MCUB: variants seen among roughly 807,000 people sequenced by gnomAD.
MCUB encodes calcium uniporter regulatory subunit MCUb, mitochondrial.
A neutral mutation model predicts 41.4 loss-of-function variants in MCUB; 46 were observed. The ratio of observed to expected loss-of-function variants is 1.11; its 90% CI spans 0.88 to 1.42. MCUB has a LOEUF of 1.42. Ranked by LOEUF, MCUB falls within the 40% of genes most tolerant of loss-of-function variation. MCUB has a pLI of 0.00. For missense variants in MCUB, 403 were observed against 404.9 expected (o/e 1.00, Z 0.04); for synonymous variants, 148 against 148.2 (o/e 1.00, Z 0.01).
intron 1 of MCUB, among the ~76,000 whole-genome samples, chr4:109,619,022 A>ACCTACCTGCCTGCCTGCCTG (rs1554017842): frequency 7.4e-6 from 1 of 134,354 alleles, no homozygotes; most frequent in East Asian, 2.2e-4. Context: ...CTACCTATCT[A>ACCTACCTGCCTGCCTGCCTG]CCTGCCTGCC....
intron 1 of MCUB, 140 bp from the exon 2 acceptor site, chr4:109,658,871 C>A (rs1450110253): frequency 2.0e-5 from 13 of 644,460 alleles, no homozygotes; most frequent in Non-Finnish European, 3.3e-5. Context: ...CAAGGGCTCA[C>A]CCTGGGATGC....
intron 1 of MCUB, among the ~76,000 whole-genome samples, chr4:109,582,189 A>G (rs565840405): frequency 1.3e-5 from 2 of 152,046 alleles, no homozygotes; most frequent in South Asian, 4.2e-4. Flanking sequence ...ATGGAATACT[A>G]TGCAGCCATA....
At chr4:109,621,767 ATAAGT>A (rs777644340) in intron 1 of MCUB, among the ~76,000 whole-genome samples, 15 of 152,256 alleles carry the variant, frequency 9.9e-5, no homozygotes, top group Non-Finnish European at 1.8e-4. Context: ...TAATGTCACT[ATAAGT>A]TATTACCAAG....
chr4:109,581,943 A>T (rs1727187203), intron 1 of MCUB, among the ~76,000 whole-genome samples: 1 of 152,252 alleles, frequency 6.6e-6, no homozygotes, highest in African/African-American at 2.4e-5. Flanking sequence ...ACTGTAAACT[A>T]GTTCAACCAT....
At chr4:109,600,822 G>C (rs1727713768) in intron 1 of MCUB, among the ~76,000 whole-genome samples, 1 of 151,902 alleles carries the variant, frequency 6.6e-6, no homozygotes, top group Non-Finnish European at 1.5e-5. Context: ...CTGAGACTAA[G>C]TCTCGTCCTG....
At chr4:109,642,522 TC>T (rs1728742414) in intron 1 of MCUB, among the ~76,000 whole-genome samples, 2 of 152,122 alleles carry the variant, frequency 1.3e-5, no homozygotes. Flanking sequence ...TACTAAGAAA[TC>T]TTAAACTGCT....
chr4:109,560,961 A>AG (rs1297976763), intron 1 of MCUB: 2 of 152,312 alleles, frequency 1.3e-5, no homozygotes, highest in Non-Finnish European at 2.9e-5. Context: ...CCCAGAAGGA[A>AG]GAAAAACTCG....
chr4:109,577,036 G>C (rs1221049449), intron 1 of MCUB, among the ~76,000 whole-genome samples: 2 of 152,122 alleles, frequency 1.3e-5, no homozygotes, highest in East Asian at 3.9e-4. Context: ...ATTTTTAGTA[G>C]AGCCAGGGTT....
intron 1 of MCUB, among the ~76,000 whole-genome samples, chr4:109,570,703 G>A (rs1726893838): frequency 6.6e-6 from 1 of 152,206 alleles, no homozygotes; most frequent in African/African-American, 2.4e-5. Context: ...CAGATGTTAT[G>A]CTAGAGGACT....
intron 7 of MCUB, among the ~76,000 whole-genome samples, chr4:109,686,658 G>A (rs1377201729): frequency 2.0e-5 from 3 of 152,022 alleles, no homozygotes; most frequent in Admixed American, 6.5e-5. Context: ...GGAGGATCTC[G>A]AGTCCAGAAA....
chr4:109,585,099 T>A (rs1048168633), intron 1 of MCUB, among the ~76,000 whole-genome samples: 5 of 152,074 alleles, frequency 3.3e-5, no homozygotes, highest in South Asian at 2.1e-4. Flanking sequence ...TTTGTAGGTC[T>A]CTAAGAACTT....
rs201153868 is a variant in MCUB at position 109,579,238 on chromosome 4, ACT to A, written c.99+18805_99+18806del. Among the ~76,000 whole-genome samples the A allele has an allele frequency of 9.3e-3, 1,369 of 146,986 alleles. 13 individuals are homozygous for A. Among genetic ancestry groups the A allele is most frequent in the African/African-American group, 0.033 (1,322 of 40,594 alleles). ...TCCATAGCATATTTGAGTTGTTGAGACTCTGATTAAACCTCACTTTTTTTTTT... is the reference window on the plus strand; with the variant it reads ...TCCATAGCATATTTGAGTTGTTGAGACTGATTAAACCTCACTTTTTTTTTT... On this transcript the variant is annotated intron_variant, in intron 1 of 7. Coordinates refer to ENST00000394650, the MANE Select transcript of MCUB (RefSeq NM_017918.5).
intron 1 of MCUB, among the ~76,000 whole-genome samples, chr4:109,641,940 A>G (rs995862938): frequency 2.0e-5 from 3 of 152,250 alleles, no homozygotes; most frequent in African/African-American, 7.2e-5. Flanking sequence ...TCTGCATTAT[A>G]TAAAAGTGGT....
At chr4:109,657,092 G>A (rs537428997) in intron 1 of MCUB, among the ~76,000 whole-genome samples, 14 of 152,090 alleles carry the variant, frequency 9.2e-5, no homozygotes, top group Admixed American at 2.6e-4. Context: ...GGTGGCAGGT[G>A]CCTATAACCC....
intron 1 of MCUB, among the ~76,000 whole-genome samples, chr4:109,607,868 T>C (rs197206): frequency 0.23 from 35,692 of 152,068 alleles, 4,421 homozygotes; most frequent in Middle Eastern, 0.29. Context: ...CTTGAGGTAG[T>C]CTTCTTTGGG....
chr4:109,616,337 T>A (rs1284386017), intron 1 of MCUB, among the ~76,000 whole-genome samples: 1 of 152,224 alleles, frequency 6.6e-6, no homozygotes, highest in African/African-American at 2.4e-5. Context: ...TTATGTATAC[T>A]GTCCTGACTA....
chr4:109,681,730 TG>T (rs1343497733), intron 4 of MCUB, among the ~76,000 whole-genome samples: 10 of 152,234 alleles, frequency 6.6e-5, no homozygotes, highest in South Asian at 2.1e-4. Context: ...GGTGCCTCGC[TG>T]GATCAGGAGC....
chr4:109,597,690 C>G (rs1173539333), intron 1 of MCUB, among the ~76,000 whole-genome samples: 71 of 145,356 alleles, frequency 4.9e-4, no homozygotes, highest in African/African-American at 1.8e-3. Context: ...GGGGGCTGAC[C>G]CCCCACCTCC....
At chr4:109,682,855 G>A (rs768624460) in intron 5 of MCUB, 113 bp downstream of exon 5, 40 of 767,060 alleles carry the variant, frequency 5.2e-5, no homozygotes, top group African/African-American at 7.2e-5. Flanking sequence ...TCTCCTTTAC[G>A]CCTCACAAAA....
Sources: gnomAD v4.1 joint callset for allele counts (sites outside exome capture counted in the v4.1 genomes callset) on GRCh38, gnomAD v4.1.1 for gene constraint, MANE v1.5 for transcripts, NCBI Gene and HGNC (gene_info 2026-07-23, HGNC 2026-07-21) for gene names.